DNM3: variants seen among roughly 807,000 people sequenced by gnomAD.
DNM3 encodes the protein dynamin 3, also known as dynamin-3.
Under a neutral mutation model 101.6 loss-of-function variants are expected in DNM3, and 47 were observed. That is an observed-to-expected ratio of 0.46 (90% CI 0.37 to 0.59). The LOEUF (loss-of-function observed/expected upper bound fraction) is 0.59. Ranked by LOEUF, DNM3 falls within the 20% of genes least tolerant of loss-of-function variation. The pLI is 0.00. For synonymous variants in DNM3, 385 were observed against 387.9 expected, an observed-to-expected ratio of 0.99 and a Z score of 0.09; for missense variants, 849 against 1,085.7, an observed-to-expected ratio of 0.78 and a Z score of 3.06.
intron 14 of DNM3, among the ~76,000 whole-genome samples, chr1:172,152,557 T>C (rs935276292): frequency 7.2e-5 from 11 of 152,194 alleles, no homozygotes; most frequent in Non-Finnish European, 1.6e-4. Flanking sequence ...AACTATTTTA[T>C]TATTATTTAA....
At chr1:171,915,612 G>A (rs2039650539) in intron 1 of DNM3, among the ~76,000 whole-genome samples, 1 of 152,122 alleles carries the variant, frequency 6.6e-6, no homozygotes, top group South Asian at 2.1e-4. Context: ...AGAAACATTT[G>A]GATAGATTGT....
intron 2 of DNM3, among the ~76,000 whole-genome samples, chr1:171,946,969 A>G (rs1384299582): frequency 6.6e-6 from 1 of 151,938 alleles, no homozygotes; most frequent in Non-Finnish European, 1.5e-5. Flanking sequence ...TGACCCAAAC[A>G]CCTCCCATTA....
intron 15 of DNM3, 106 bp from the exon 16 acceptor site, chr1:172,308,622 C>A: frequency 4.4e-6 from 2 of 458,210 alleles, no homozygotes; most frequent in Non-Finnish European, 3.7e-6. Flanking sequence ...CTGTCAGAAA[C>A]TGTCCATTTG....
At chr1:172,211,001 T>C (rs776311915) in intron 14 of DNM3, among the ~76,000 whole-genome samples, 1 of 152,086 alleles carries the variant, frequency 6.6e-6, no homozygotes, top group Non-Finnish European at 1.5e-5. Flanking sequence ...ATTTAAGAAA[T>C]TTATGATTGC....
intron 1 of DNM3, among the ~76,000 whole-genome samples, chr1:171,913,761 A>G (rs1244061090): frequency 6.6e-6 from 1 of 151,754 alleles, no homozygotes; most frequent in Non-Finnish European, 1.5e-5. Flanking sequence ...AAATATTGTG[A>G]GATAGTACTC....
intron 10 of DNM3, among the ~76,000 whole-genome samples, chr1:172,055,056 G>A (rs762974361): frequency 6.5e-4 from 96 of 148,198 alleles, no homozygotes; most frequent in Middle Eastern, 3.5e-3. Flanking sequence ...GGCTTATTAG[G>A]TAAGTAAATA....
At chr1:172,052,612 G>T (rs950359536) in intron 10 of DNM3, among the ~76,000 whole-genome samples, 2 of 152,088 alleles carry the variant, frequency 1.3e-5, no homozygotes, top group African/African-American at 2.4e-5. Context: ...AAGCCTAAAG[G>T]ACGCTCTTAT....
intron 2 of DNM3, among the ~76,000 whole-genome samples, chr1:171,976,261 A>G (rs1347967251): frequency 6.6e-6 from 1 of 152,232 alleles, no homozygotes; most frequent in Non-Finnish European, 1.5e-5. Flanking sequence ...ACTTTCAGGA[A>G]TTTGTCATGA....
chr1:172,030,688 A>G (rs1038789221), intron 4 of DNM3, among the ~76,000 whole-genome samples: 1 of 152,016 alleles, frequency 6.6e-6, no homozygotes, highest in Non-Finnish European at 1.5e-5. Flanking sequence ...TACAAAGAAC[A>G]TAAACAAATT....
chr1:171,886,808 T>C (rs1037396614), intron 1 of DNM3, among the ~76,000 whole-genome samples: 3 of 152,326 alleles, frequency 2.0e-5, no homozygotes, highest in Middle Eastern at 3.4e-3. Flanking sequence ...GATTAATGAC[T>C]ACACTATAAA....
intron 14 of DNM3, chr1:172,137,059 G>A (rs999267416): frequency 6.6e-6 from 1 of 152,154 alleles, no homozygotes; most frequent in African/African-American, 2.4e-5. Flanking sequence ...CTGAAGGACG[G>A]GTGTAGTCTC....
At chr1:172,237,885 G>A (rs879715897) in intron 14 of DNM3, among the ~76,000 whole-genome samples, 1 of 152,156 alleles carries the variant, frequency 6.6e-6, no homozygotes, top group Non-Finnish European at 1.5e-5. Flanking sequence ...GTTCAGGCAT[G>A]GGTTCTTTGG....
intron 4 of DNM3, among the ~76,000 whole-genome samples, chr1:172,029,099 A>G (rs1352185726): frequency 6.6e-6 from 1 of 152,206 alleles, no homozygotes; most frequent in Admixed American, 6.5e-5. Flanking sequence ...TGGTGGAGAC[A>G]CAATAAAAAA....
At chr1:172,386,421 G>T (rs138010941) in intron 18 of DNM3, among the ~76,000 whole-genome samples, 35 of 152,166 alleles carry the variant, frequency 2.3e-4, no homozygotes, top group African/African-American at 7.9e-4. Context: ...CTCCCCCTGA[G>T]ACTCCCACAT....
At chr1:171,919,464 T>A (rs2039986587) in intron 1 of DNM3, among the ~76,000 whole-genome samples, 2 of 151,988 alleles carry the variant, frequency 1.3e-5, no homozygotes, top group Admixed American at 6.6e-5. Flanking sequence ...GCTTTATCCA[T>A]GTCCCTGCAA....
chr1:171,869,166 T>C (rs2035043160), intron 1 of DNM3, among the ~76,000 whole-genome samples: 1 of 152,132 alleles, frequency 6.6e-6, no homozygotes, highest in South Asian at 2.1e-4. Flanking sequence ...CATCATGTGG[T>C]TGGTTTTTTT....
chr1:172,392,853 A>G (rs1573718563), intron 20 of DNM3, among the ~76,000 whole-genome samples: 1 of 152,354 alleles, frequency 6.6e-6, no homozygotes, highest in Non-Finnish European at 1.5e-5. Context: ...TTAAAAAGAC[A>G]AAACTGAATC....
chr1:172,104,484 A>T (rs2054872503), intron 13 of DNM3, among the ~76,000 whole-genome samples: 1 of 152,104 alleles, frequency 6.6e-6, no homozygotes, highest in Admixed American at 6.5e-5. Flanking sequence ...TGAGCCATTC[A>T]TGCTGGTGTT....
intron 14 of DNM3, among the ~76,000 whole-genome samples, chr1:172,238,497 G>A (rs2148638760): frequency 6.6e-6 from 1 of 152,254 alleles, no homozygotes; most frequent in East Asian, 1.9e-4. Flanking sequence ...AGTTTATTCT[G>A]TAGCAGGCAT....
Sources: gnomAD v4.1 joint callset for allele counts (sites outside exome capture counted in the v4.1 genomes callset) on GRCh38, gnomAD v4.1.1 for gene constraint, MANE v1.5 for transcripts, NCBI Gene and HGNC (gene_info 2026-07-23, HGNC 2026-07-21) for gene names.